ANO4: variants seen among roughly 807,000 people sequenced by gnomAD.
ANO4 encodes anoctamin-4.
In ANO4, 69 loss-of-function variants were observed where a neutral mutation model predicts 141.9. The observed-to-expected ratio is 0.49, with a 90% confidence interval of 0.40 to 0.59. The LOEUF (loss-of-function observed/expected upper bound fraction) is 0.59, where lower values mean the gene tolerates loss of function less well. ANO4 is among the 20% of genes least tolerant of loss of function. The probability of loss-of-function intolerance (pLI) is 0.00; values close to 1 mark genes in which losing one functional copy is unlikely to be tolerated. For missense variants in ANO4, 894 were observed against 1,162.2 expected (o/e 0.77, Z 3.36); for synonymous variants, 350 against 394.3 (o/e 0.89, Z 1.33).
At chr12:101,043,934 T>C (rs1472964263) in intron 13 of ANO4, among the ~76,000 whole-genome samples, 1 of 152,218 alleles carries the variant, frequency 6.6e-6, no homozygotes, top group Non-Finnish European at 1.5e-5. Context: ...ACCATTTCTC[T>C]ATCTGGGAAT....
chr12:100,733,079 C>T (rs1027715270), intron 1 of ANO4, among the ~76,000 whole-genome samples: 7 of 152,198 alleles, frequency 4.6e-5, no homozygotes, highest in African/African-American at 1.7e-4. Flanking sequence ...ATAAGTCCTT[C>T]TACTCTCATC....
chr12:100,876,475 G>A (rs2039315794), intron 1 of ANO4, among the ~76,000 whole-genome samples: 1 of 152,140 alleles, frequency 6.6e-6, no homozygotes, highest in Non-Finnish European at 1.5e-5. Context: ...GTTGTGCTGA[G>A]TCAAAGCATG....
In ANO4 at chr12:100,939,324, A is replaced by T; in HGVS notation, c.170A>T (p.Asp57Val). 6.2e-7 allele frequency: 1 copy of T among 1,613,228 alleles called. No homozygotes were observed. Among genetic ancestry groups the T allele is most frequent in the Non-Finnish European group, 8.5e-7 (1 of 1,179,374 alleles). Residue 57 changes from aspartate to valine, a missense_variant, in exon 4 of 28, where the codon GAT becomes GTT. Around this residue, in one of 2 missense-constraint regions of ANO4, gnomAD observed 257 missense variants for 253.0 expected, o/e 1.02. Transcript: ENST00000392977. ...ILNAIQEMAK[D>V]VNILFDELEA... is the part of the protein sequence containing the mutation. Reference sequence around the variant, plus strand: ...TTTACTTTGGTTCTAGTGGCCAAGGATGTCAATATTCTTTTTGATGAATTA... The same window carrying T: ...TTTACTTTGGTTCTAGTGGCCAAGGTTGTCAATATTCTTTTTGATGAATTA...
intron 25 of ANO4, among the ~76,000 whole-genome samples, chr12:101,117,123 C>T (rs904774422): frequency 3.9e-5 from 6 of 152,278 alleles, no homozygotes; most frequent in Non-Finnish European, 5.9e-5. Context: ...AATCCCCAGG[C>T]GGGTTGAGCG....
At chr12:101,099,253 G>T (rs2050099658) in intron 21 of ANO4, among the ~76,000 whole-genome samples, 1 of 152,166 alleles carries the variant, frequency 6.6e-6, no homozygotes, top group Admixed American at 6.6e-5. Flanking sequence ...TATTCCTCAA[G>T]ATATCTTGGT....
At chr12:100,844,055 A>T (rs1373656280) in intron 1 of ANO4, among the ~76,000 whole-genome samples, 1 of 152,142 alleles carries the variant, frequency 6.6e-6, no homozygotes, top group Non-Finnish European at 1.5e-5. Context: ...TATATCAGGT[A>T]CTGTTCTGGG....
intron 1 of ANO4, among the ~76,000 whole-genome samples, chr12:100,725,308 T>G (rs1000096256): frequency 6.6e-6 from 1 of 152,088 alleles, no homozygotes; most frequent in African/African-American, 2.4e-5. Flanking sequence ...TACCTCAGCT[T>G]CTAGTCCCTG....
At chr12:101,029,061 A>G (rs2046860304) in intron 9 of ANO4, among the ~76,000 whole-genome samples, 1 of 152,226 alleles carries the variant, frequency 6.6e-6, no homozygotes, top group South Asian at 2.1e-4. Context: ...TCAACACAGA[A>G]TTTTATATCC....
chr12:100,738,103 A>AT (rs1766349731), intron 2 of ANO4, among the ~76,000 whole-genome samples: 1 of 152,068 alleles, frequency 6.6e-6, no homozygotes, highest in Non-Finnish European at 1.5e-5. Context: ...AGTTAACATT[A>AT]TTTTTTCTCA....
intron 1 of ANO4, among the ~76,000 whole-genome samples, chr12:100,887,752 C>T (rs139945237): frequency 5.3e-5 from 8 of 152,168 alleles, no homozygotes; most frequent in African/African-American, 1.9e-4. Context: ...TTGAAGATCT[C>T]AGAAAGAACC....
intron 7 of ANO4, among the ~76,000 whole-genome samples, chr12:100,980,040 G>A (rs889844988): frequency 3.7e-4 from 56 of 151,926 alleles, no homozygotes; most frequent in Admixed American, 5.2e-4. Context: ...ACGCCCGGCC[G>A]AGAAATCCTT....
intron 7 of ANO4, among the ~76,000 whole-genome samples, chr12:100,981,182 A>G (rs1196221052): frequency 3.3e-5 from 5 of 152,208 alleles, no homozygotes; most frequent in Admixed American, 1.3e-4. Context: ...AAACTAATAC[A>G]TGTAAATGTT....
intron 3 of ANO4, among the ~76,000 whole-genome samples, chr12:100,786,373 C>T (rs1360046036): frequency 2.0e-5 from 3 of 152,090 alleles, no homozygotes; most frequent in African/African-American, 7.2e-5. Context: ...TTAAATAATC[C>T]TCAAGCTGGT....
chr12:101,083,172 T>C (rs1050698708), intron 15 of ANO4, among the ~76,000 whole-genome samples: 3 of 152,198 alleles, frequency 2.0e-5, no homozygotes, highest in Non-Finnish European at 4.4e-5. Flanking sequence ...ACCATGTTTT[T>C]AGTGAACTAA....
chr12:101,090,489 A>G (rs1032391650), intron 17 of ANO4, among the ~76,000 whole-genome samples: 1 of 152,170 alleles, frequency 6.6e-6, no homozygotes, highest in African/African-American at 2.4e-5. Context: ...TGAGCAAACT[A>G]TCGCAAGGAC....
chr12:100,719,820 T>A (rs1047329052), intron 1 of ANO4, among the ~76,000 whole-genome samples: 6 of 152,238 alleles, frequency 3.9e-5, no homozygotes, highest in Non-Finnish European at 5.9e-5. Flanking sequence ...CCTGCTCTTT[T>A]TGTCTTTTGA....
At chr12:101,020,605 A>C (rs752274722) in intron 9 of ANO4, among the ~76,000 whole-genome samples, 1 of 152,182 alleles carries the variant, frequency 6.6e-6, no homozygotes, top group Non-Finnish European at 1.5e-5. Flanking sequence ...CTGAAATTTG[A>C]ACTGAGACCT....
chr12:101,037,228 T>C (rs2047235759), intron 10 of ANO4, 78 bp downstream of exon 10: 2 of 1,444,294 alleles, frequency 1.4e-6, no homozygotes, highest in Admixed American at 3.6e-5. Context: ...AGTCAATAAT[T>C]GAATTTGTTG....
chr12:100,916,034 G>A (rs944310500), intron 2 of ANO4, among the ~76,000 whole-genome samples: 10 of 135,378 alleles, frequency 7.4e-5, no homozygotes, highest in Admixed American at 7.3e-4. Flanking sequence ...AGGGCAAGTG[G>A]AAAGTGGTAG....
Sources: gnomAD v4.1 joint callset for allele counts (sites outside exome capture counted in the v4.1 genomes callset) on GRCh38, gnomAD v4.1.1 for gene constraint, gnomAD v4.1.1 regional missense constraint, MANE v1.5 for transcripts, NCBI Gene and HGNC (gene_info 2026-07-23, HGNC 2026-07-21) for gene names.